Variants in UBE2D4 observed in about 807,000 individuals in gnomAD.
UBE2D4 encodes the protein ubiquitin conjugating enzyme E2 D4.
In UBE2D4, 17 loss-of-function variants were observed where a neutral mutation model predicts 23.0. The observed-to-expected ratio is 0.74, with a 90% confidence interval of 0.51 to 1.11. UBE2D4 has a LOEUF of 1.11. UBE2D4 is among the 50% of genes least tolerant of loss of function. The pLI, the probability that UBE2D4 is intolerant of heterozygous loss-of-function variation, is 0.00. For synonymous variants in UBE2D4, 61 were observed against 69.4 expected (o/e 0.88, Z 0.60); for missense variants, 139 against 181.8 (o/e 0.76, Z 1.35).
chr7:43,937,324 C>T (rs1156623431), intron 1 of UBE2D4, among the ~76,000 whole-genome samples: 2 of 152,192 alleles, frequency 1.3e-5, no homozygotes, highest in African/African-American at 2.4e-5. Flanking sequence ...CTGAGGGGCA[C>T]ATAGCAGAGA....
At chr7:43,951,714 G>C (rs2096002879) in intron 6 of UBE2D4, among the ~76,000 whole-genome samples, 1 of 151,966 alleles carries the variant, frequency 6.6e-6, no homozygotes, top group Middle Eastern at 3.2e-3. Context: ...GTAGAGACAG[G>C]GTTTTGCCAT....
intron 5 of UBE2D4, among the ~76,000 whole-genome samples, chr7:43,949,718 G>GCTC (rs1295857307): frequency 5.3e-5 from 8 of 152,196 alleles, no homozygotes; most frequent in African/African-American, 1.9e-4. Flanking sequence ...AATTCCTTCT[G>GCTC]CTCCTCACCA....
At position 43,928,303 on chromosome 7, in the gene UBE2D4, G is replaced by A. The variant is rs543206112; in HGVS notation, c.24+1747G>A. On this transcript the variant is annotated intron_variant, in intron 1 of 6. Transcript: ENST00000222402. ...GCGATCACATTTCAGCATGAGATTT[G>A]GGGGGGACAAATATCCAAACCAGAT... Among the ~76,000 whole-genome samples the A allele has an allele frequency of 5.8e-4, 89 of 152,160 alleles. 1 individual carries two copies. Among genetic ancestry groups the A allele is most frequent in the Admixed American group, 3.5e-3 (53 of 15,280 alleles).
chr7:43,946,614 A>G (rs1026662703), intron 4 of UBE2D4, among the ~76,000 whole-genome samples: 3 of 152,182 alleles, frequency 2.0e-5, no homozygotes, highest in Non-Finnish European at 4.4e-5. Flanking sequence ...ATATGATCAC[A>G]TTCATGTTTT....
At chr7:43,935,549 G>A (rs960791094) in intron 1 of UBE2D4, among the ~76,000 whole-genome samples, 1 of 152,032 alleles carries the variant, frequency 6.6e-6, no homozygotes, top group Non-Finnish European at 1.5e-5. Context: ...AAGGGCCCCA[G>A]AGGCCAAGGA....
At chr7:43,927,866 G>A (rs966394228) in intron 1 of UBE2D4, 20 of 344,146 alleles carry the variant, frequency 5.8e-5, no homozygotes, top group East Asian at 2.7e-4. Context: ...CACTCAATAC[G>A]AGTTAGCTGC....
At chr7:43,945,454 C>T (rs540391561) in intron 4 of UBE2D4, among the ~76,000 whole-genome samples, 13 of 152,088 alleles carry the variant, frequency 8.5e-5, no homozygotes, top group Non-Finnish European at 8.8e-5. Flanking sequence ...ACAGGAGCAA[C>T]GATTTATGTT....
chr7:43,942,777 A>T (rs1207257660), intron 2 of UBE2D4, 49 bp from the exon 3 acceptor site: 2 of 1,613,212 alleles, frequency 1.2e-6, no homozygotes. Context: ...GTAGAATGAC[A>T]TGTTTCTTGG....
At chr7:43,939,207 A>T (rs1488061263) in intron 2 of UBE2D4, among the ~76,000 whole-genome samples, 2 of 152,236 alleles carry the variant, frequency 1.3e-5, no homozygotes, top group Non-Finnish European at 2.9e-5. Context: ...GAGGAGGGGC[A>T]GGGCAGGGTA....
At chr7:43,938,400 A>G in intron 1 of UBE2D4, 31 bp from the exon 2 acceptor site, 1 of 1,606,530 alleles carries the variant, frequency 6.2e-7, no homozygotes, top group South Asian at 1.1e-5. Context: ...CCCAGCATAC[A>G]GCAGCTCTGA....
intron 1 of UBE2D4, among the ~76,000 whole-genome samples, chr7:43,936,201 A>T (rs1040929143): frequency 5.3e-5 from 8 of 152,178 alleles, no homozygotes; most frequent in African/African-American, 1.9e-4. Flanking sequence ...AATACAATTA[A>T]AGTTTATGTG....
At chr7:43,942,001 G>T (rs946337399) in intron 2 of UBE2D4, 2 of 152,176 alleles carry the variant, frequency 1.3e-5, no homozygotes, top group African/African-American at 4.8e-5. Flanking sequence ...TACCTGATAG[G>T]AATGTCTTTG....
intron 6 of UBE2D4, among the ~76,000 whole-genome samples, chr7:43,951,262 C>T (rs2096001875): frequency 6.6e-6 from 1 of 152,190 alleles, no homozygotes; most frequent in Non-Finnish European, 1.5e-5. Flanking sequence ...AGGCCAGGCA[C>T]AACCACATGC....
chr7:43,931,071 C>T (rs918797421), intron 1 of UBE2D4, among the ~76,000 whole-genome samples: 5 of 150,244 alleles, frequency 3.3e-5, no homozygotes, highest in South Asian at 2.1e-4. Flanking sequence ...TTTCAGTGAG[C>T]GATCATGCCA....
rs2095981432 is a variant in UBE2D4 at position 43,944,627 on chromosome 7, T to G, written c.198+1596T>G. 6.6e-6 allele frequency: 1 copy of G among 152,200 alleles called. No homozygotes were observed. Among genetic ancestry groups the G allele is most frequent in the African/African-American group, 2.4e-5 (1 of 41,432 alleles). 9.4% of individuals were successfully genotyped at this position (152,200 alleles called of 1,614,324 possible). ...ATTTTAAATCTTTGTTAAATATGCT[T>G]AGGATCCCAGAGACCTTTTAAGCTT... is the stretch of plus-strand genomic sequence containing the variant. On this transcript the variant is annotated intron_variant, in intron 4 of 6. Transcript: ENST00000222402. The surrounding 1 kb of genome is among the most constrained non-coding windows in gnomAD (Gnocchi z 4.0).
chr7:43,930,476 G>T (rs1016578722), intron 1 of UBE2D4, among the ~76,000 whole-genome samples: 1 of 151,912 alleles, frequency 6.6e-6, no homozygotes, highest in Non-Finnish European at 1.5e-5. Flanking sequence ...AGTTTTTTGA[G>T]ACAGGGTCTT....
rs1279429842 is a variant in UBE2D4 at position 43,953,815 on chromosome 7, G to A, written c.*1120G>A. 1 of 152,508 alleles carries A rather than the reference G, an allele frequency of 6.6e-6. No homozygotes were observed. The highest frequency in any genetic ancestry group is 2.4e-5 in the African/African-American group (1 of 41,456). The allele number at this position is 152,508 out of a possible 1,614,324, so 9.4% of individuals were successfully genotyped here. On this transcript the variant is annotated 3_prime_UTR_variant, in exon 7 of 7. Coordinates refer to ENST00000222402, the MANE Select transcript of UBE2D4 (RefSeq NM_015983.4). ...TCCACAGAGGGAAGAAAATTGAGGA[G>A]CTTCAGATCTCTAAAGCCAAATTCA... is the stretch of plus-strand genomic sequence containing the variant.
chr7:43,946,519 C>T (rs530316154), intron 4 of UBE2D4, among the ~76,000 whole-genome samples: 1 of 152,150 alleles, frequency 6.6e-6, no homozygotes, highest in Non-Finnish European at 1.5e-5. Context: ...GTTTGTGCTT[C>T]CTTGTTTTTC....
At position 43,953,191 on chromosome 7, in the gene UBE2D4, CTT is replaced by C. The variant is rs749438828; in HGVS notation, c.*497_*498del. 227 of 456,740 alleles carry C rather than the reference CTT, an allele frequency of 5.0e-4. 1 individual carries two copies. Among genetic ancestry groups the C allele is most frequent in the South Asian group, 3.4e-3 (221 of 64,562 alleles). 28.3% of individuals were successfully genotyped at this position (456,740 alleles called of 1,614,324 possible). On this transcript the variant is annotated 3_prime_UTR_variant, in exon 7 of 7. Coordinates refer to ENST00000222402, the MANE Select transcript of UBE2D4 (RefSeq NM_015983.4). ...AGAACCACATCCTGAGGAGTCTCAG[CTT>C]ATCCTGGAGGGAATTGGGAACAGTG...
Sources: allele counts gnomAD v4.1 joint callset (sites outside exome capture counted in the v4.1 genomes callset), GRCh38; gene constraint gnomAD v4.1.1; non-coding constraint Gnocchi (gnomAD v3.1); transcripts MANE v1.5; gene names NCBI Gene and HGNC (gene_info 2026-07-23, HGNC 2026-07-21).